The following MTIF2 variants were observed in gnomAD, a reference collection of about 807,000 sequenced individuals.
The protein encoded by MTIF2 is translation initiation factor IF-2, mitochondrial.
A neutral mutation model predicts 83.5 loss-of-function variants in MTIF2; 71 were observed. That is an observed-to-expected ratio of 0.85 (90% CI 0.70 to 1.04). The LOEUF is 1.04. Among genes scored for constraint, MTIF2 ranks in the 50% least tolerant of loss-of-function variants. The pLI, the probability that MTIF2 is intolerant of heterozygous loss-of-function variation, is 0.00. For synonymous variants in MTIF2, 319 were observed against 287.1 expected, an observed-to-expected ratio of 1.11 and a Z score of -1.12; for missense variants, 957 against 846.5, an observed-to-expected ratio of 1.13 and a Z score of -1.62.
At chr2:55,254,570 T>C in intron 6 of MTIF2, 84 bp downstream of exon 6, 2 of 1,221,966 alleles carry the variant, frequency 1.6e-6, no homozygotes, top group Non-Finnish European at 2.2e-6. Context: ...AAAGAAATTT[T>C]AAAGCAAATC....
At chr2:55,239,183 A>T (rs1206432930) in intron 14 of MTIF2, among the ~76,000 whole-genome samples, 1 of 152,240 alleles carries the variant, frequency 6.6e-6, no homozygotes, top group African/African-American at 2.4e-5. Flanking sequence ...AAATGTGAAT[A>T]TGGACTGTGT....
At chr2:55,265,369 A>T (rs576392976) in intron 3 of MTIF2, among the ~76,000 whole-genome samples, 1 of 121,138 alleles carries the variant, frequency 8.3e-6, no homozygotes, top group African/African-American at 2.7e-5. Flanking sequence ...TCCATTCCAC[A>T]AACAGTTCAT....
chr2:55,248,522 A>G (rs1002318940), intron 9 of MTIF2, among the ~76,000 whole-genome samples: 3 of 152,214 alleles, frequency 2.0e-5, no homozygotes, highest in Admixed American at 6.5e-5. Context: ...GTCACTTAGC[A>G]GCAACCTCTA....
chr2:55,262,326 T>A lies in MTIF2; in HGVS notation c.321A>T (p.Glu107Asp). The A allele has an allele frequency of 6.2e-7, 1 of 1,610,750 alleles. No individual in the cohort carries two copies. The highest frequency in any genetic ancestry group is 8.5e-7 in the Non-Finnish European group (1 of 1,178,070). ...MTIEELARAM[E>D]KNTDYVYEAL... The stretch of plus-strand genomic sequence containing the variant: ...AAATATCTGACTCACCTGTGTTTTT[T>A]TCCATTGCCCTGGCCAGTTCCTCAA... The change falls in exon 5 of 16, where the codon GAA (glutamate) becomes GAT (aspartate). Residue 107 changes from glutamate (E) to aspartate (D), a missense_variant. This residue lies in a region of MTIF2 where 733 missense variants were observed against 648.7 expected (regional missense o/e 1.13). Coordinates refer to ENST00000263629, the MANE Select transcript of MTIF2 (RefSeq NM_002453.3).
Position 55,246,480 on chromosome 2 carries a change from T to C in MTIF2, c.982-19A>G. The C allele has an allele frequency of 6.2e-7, 1 of 1,605,924 alleles. No individual in the cohort carries two copies. Among genetic ancestry groups the C allele is most frequent in the Non-Finnish European group, 8.5e-7 (1 of 1,173,090 alleles). On this transcript the variant is annotated intron_variant, in intron 9 of 15. Transcript: ENST00000263629. ...TATCGCCCTTTAACAATAACAAACGTTGTTAATACACATTAATAAATATTA... is the reference window on the plus strand; with the variant it reads ...TATCGCCCTTTAACAATAACAAACGCTGTTAATACACATTAATAAATATTA...
At position 55,257,245 on chromosome 2, in the gene MTIF2, C is replaced by T. The variant is rs536312683; in HGVS notation, c.332-2420G>A. 8.9e-4 allele frequency among the ~76,000 whole-genome samples: 136 copies of T among 152,168 alleles called. 2 individuals are homozygous for T. The Middle Eastern group carries it at 0.017, about 19-fold the overall frequency. Reference sequence around the variant, plus strand: ...CTATAATCCCAGCACTTTGGGAGGCCGAGGTGGGCAGATCACCTAAGATGA... The same window carrying T: ...CTATAATCCCAGCACTTTGGGAGGCTGAGGTGGGCAGATCACCTAAGATGA... On this transcript the variant is annotated intron_variant, in intron 5 of 15. Transcript: ENST00000263629.
At chr2:55,264,655 T>C (rs6707902) in intron 3 of MTIF2, among the ~76,000 whole-genome samples, 11,824 of 152,172 alleles carry the variant, frequency 0.078, 1,481 homozygotes, top group African/African-American at 0.26. Context: ...ACACACTTCC[T>C]CTAGTTGGAA....
At chr2:55,268,087 T>A (rs1329651643) in intron 2 of MTIF2, among the ~76,000 whole-genome samples, 1 of 152,038 alleles carries the variant, frequency 6.6e-6, no homozygotes, top group African/African-American at 2.4e-5. Context: ...ACCCCCTCTC[T>A]ACTAAAAGTA....
intron 9 of MTIF2, among the ~76,000 whole-genome samples, 199 bp downstream of exon 9, chr2:55,249,196 A>C (rs1438884258): frequency 6.6e-6 from 1 of 152,168 alleles, no homozygotes; most frequent in Non-Finnish European, 1.5e-5. Context: ...CTCCACACTG[A>C]TTAGCTGGTG....
At chr2:55,266,612 T>C (rs187708500) in intron 3 of MTIF2, 7 of 148,554 alleles carry the variant, frequency 4.7e-5, no homozygotes, top group African/African-American at 7.3e-5. Context: ...ATATACAACA[T>C]ATATATTATA....
At chr2:55,236,956 G>A in intron 15 of MTIF2, 136 bp from the exon 16 acceptor site, 1 of 734,766 alleles carries the variant, frequency 1.4e-6, no homozygotes, top group Non-Finnish European at 2.0e-6. Flanking sequence ...TAAATGATGG[G>A]ACTAAATACC....
intron 9 of MTIF2, among the ~76,000 whole-genome samples, chr2:55,246,751 G>A (rs1558559847): frequency 6.6e-6 from 1 of 152,076 alleles, no homozygotes; most frequent in African/African-American, 2.4e-5. Context: ...GACCACTGGT[G>A]GGCTTGTTAC....
At chr2:55,257,458 G>A (rs1677636079) in intron 5 of MTIF2, among the ~76,000 whole-genome samples, 2 of 152,174 alleles carry the variant, frequency 1.3e-5, no homozygotes, top group Admixed American at 1.3e-4. Context: ...TCCAGCCTGG[G>A]CAAGAGTGAG....
intron 13 of MTIF2, among the ~76,000 whole-genome samples, chr2:55,242,157 GAAAA>G (rs58318634): frequency 7.0e-6 from 1 of 142,548 alleles, no homozygotes; most frequent in African/African-American, 2.6e-5. Context: ...AAAAAAAAAA[GAAAA>G]AAAAAAGTCA....
At chr2:55,268,507 G>A (rs2104500503) in intron 2 of MTIF2, 71 bp downstream of exon 2, 1 of 152,146 alleles carries the variant, frequency 6.6e-6, no homozygotes, top group Middle Eastern at 3.4e-3. Flanking sequence ...ATGTAATTGA[G>A]GCAGGAACTG....
intron 3 of MTIF2, among the ~76,000 whole-genome samples, chr2:55,265,440 T>C (rs946143284): frequency 9.2e-5 from 14 of 151,762 alleles, no homozygotes; most frequent in African/African-American, 3.4e-4. Flanking sequence ...CTACCTATGA[T>C]GACTGATTAT....
intron 5 of MTIF2, among the ~76,000 whole-genome samples, chr2:55,258,690 T>C (rs1677726802): frequency 6.6e-6 from 1 of 151,702 alleles, no homozygotes; most frequent in Non-Finnish European, 1.5e-5. Flanking sequence ...CACATGCCTG[T>C]AGTCCCAGCT....
At position 55,254,793 on chromosome 2, in the gene MTIF2, T is replaced by C. The variant is rs2104408176; in HGVS notation, c.364A>G (p.Ile122Val). 3.7e-6 allele frequency: 6 copies of C among 1,604,200 alleles called. No individual in the cohort carries two copies. Among genetic ancestry groups the C allele is most frequent in the Non-Finnish European group, 5.1e-6 (6 of 1,176,322 alleles). Residue 122 changes from isoleucine to valine, a missense_variant, in exon 6 of 16, where the codon ATT becomes GTT. Physicochemically the swap from Ile to Val is conservative, Grantham distance 29. This residue lies in a region of MTIF2 where 733 missense variants were observed against 648.7 expected (regional missense o/e 1.13). Coordinates refer to ENST00000263629, the MANE Select transcript of MTIF2 (RefSeq NM_002453.3). ...TCTGCTTCCAGTGAATCTATGTCAA[T>C]ATCAGTGTTCAATAAAGCTTCATAT... The part of the protein sequence containing the change: ...YVYEALLNTD[I>V]DIDSLEADSH...
Position 55,244,164 on chromosome 2 carries a change from A to C in MTIF2, c.1176T>G (p.Cys392Trp). The change falls in exon 11 of 16, where the codon TGT becomes TGG. Residue 392 changes from cysteine (C) to tryptophan (W), a missense_variant. Coordinates refer to ENST00000263629, the MANE Select transcript of MTIF2 (RefSeq NM_002453.3). ...RKGSVLVAGK[C>W]WAKVRLMFDE... ...CAAACATTAAGCGTACTTTTGCCCA[A>C]CATTTTCCAGCAACCAGAACAGAGC... is the stretch of plus-strand genomic sequence containing the variant. 5 of 1,614,152 alleles carry C rather than the reference A, an allele frequency of 3.1e-6. No individual in the cohort carries two copies. Among genetic ancestry groups the C allele is most frequent in the Non-Finnish European group, 4.2e-6 (5 of 1,180,014 alleles).
Sources: gnomAD v4.1 joint callset for allele counts (sites outside exome capture counted in the v4.1 genomes callset) on GRCh38, gnomAD v4.1.1 for gene constraint, gnomAD v4.1.1 regional missense constraint, MANE v1.5 for transcripts, NCBI Gene and HGNC (gene_info 2026-07-23, HGNC 2026-07-21) for gene names.